The following UBE3B variants were observed in gnomAD, a reference collection of about 807,000 sequenced individuals.
The protein encoded by UBE3B is ubiquitin-protein ligase E3B.
UBE3B carries 80 observed loss-of-function variants against 132.3 expected under a neutral mutation model. That is an observed-to-expected ratio of 0.60 (90% CI 0.50 to 0.73). UBE3B has a LOEUF of 0.73. Ranked by LOEUF, UBE3B falls within the 30% of genes least tolerant of loss-of-function variation. The probability of loss-of-function intolerance (pLI) is 0.00; values close to 1 mark genes in which losing one functional copy is unlikely to be tolerated. For missense variants in UBE3B, 1,196 were observed against 1,362.5 expected (o/e 0.88, Z 1.92); for synonymous variants, 487 against 520.4 (o/e 0.94, Z 0.87).
downstream of UBE3B, among the ~76,000 whole-genome samples, chr12:109,539,115 A>G (rs1174624155): frequency 1.3e-5 from 2 of 152,208 alleles, no homozygotes; most frequent in African/African-American, 2.4e-5. Context: ...GCACACCTGT[A>G]GTCCCAGCTA....
intron 15 of UBE3B, chr12:109,509,005 A>T (rs1274030590): frequency 6.5e-6 from 1 of 152,894 alleles, no homozygotes; most frequent in Non-Finnish European, 1.5e-5. Context: ...AAAGTGTCAC[A>T]GTCAGATCCT....
intron 14 of UBE3B, 131 bp from the exon 15 acceptor site, chr12:109,507,433 C>G: frequency 1.0e-6 from 1 of 992,844 alleles, no homozygotes; most frequent in East Asian, 2.5e-5. Context: ...TCTCCATAAT[C>G]CCACCTTCTT....
Position 109,511,297 on chromosome 12 carries a change from C to A in UBE3B, c.1950C>A (p.His650Gln). Residue 650 changes from histidine to glutamine, a missense_variant, in exon 18 of 28, where the codon CAC becomes CAA. By Grantham distance (24) the His-to-Gln change is conservative. Transcript: ENST00000342494. ...AGTACATCCCACATGTCATCCCTCA[C>A]AAAAACGTGAGTTGCACTCAGAGCT... ...ILQYIPHVIPHKNRVLLFRTM... is the reference protein window; with the variant it reads ...ILQYIPHVIPQKNRVLLFRTM... The A allele has an allele frequency of 6.2e-7, 1 of 1,613,970 alleles. No individual in the cohort carries two copies. Among genetic ancestry groups the A allele is most frequent in the African/African-American group, 1.3e-5 (1 of 75,052 alleles).
chr12:109,526,147 T>TG (rs1160665246), intron 23 of UBE3B, among the ~76,000 whole-genome samples: 1 of 152,198 alleles, frequency 6.6e-6, no homozygotes, highest in Non-Finnish European at 1.5e-5. Flanking sequence ...GAACAAGGAT[T>TG]GGGTGAGAAA....
Position 109,534,790 on chromosome 12 carries a change from C to T in UBE3B, c.*8C>T. 1 of 1,496,870 alleles carries T rather than the reference C, an allele frequency of 6.7e-7. No homozygotes were observed. The highest frequency in any genetic ancestry group is 8.9e-7 in the Non-Finnish European group (1 of 1,121,186). 92.7% of individuals were successfully genotyped at this position (1,496,870 alleles called of 1,614,324 possible). On this transcript the variant is annotated 3_prime_UTR_variant, in exon 28 of 28. Coordinates refer to ENST00000342494, the MANE Select transcript of UBE3B (RefSeq NM_130466.4). The surrounding 1 kb of genome is among the most constrained non-coding windows in gnomAD (Gnocchi z 5.2). ...GGCTTTGAACTCTCCTAGCTCCTGT[C>T]CCAGCCCTGCCTCCAGGGCTCCTGG... is the stretch of plus-strand genomic sequence containing the variant.
chr12:109,490,656 T>G, intron 8 of UBE3B: 2 of 1,510,030 alleles, frequency 1.3e-6, no homozygotes, highest in Non-Finnish European at 1.8e-6. Context: ...GTCTTTAAAT[T>G]TTAAGTCTGG....
Position 109,533,492 on chromosome 12 carries a change from G to A in UBE3B, c.2949G>A (p.Pro983=), listed in dbSNP as rs763894625. Residue 983 remains proline (P), a synonymous_variant, in exon 27 of 28, where the codon CCG becomes CCA. Coordinates refer to ENST00000342494, the MANE Select transcript of UBE3B (RefSeq NM_130466.4). The stretch of plus-strand genomic sequence containing the variant: ...TCGTGACCAGCTGCTCCAGACCCCC[G>A]CTCCTGGGATTCGCCTACCTCAAGC... ...LKFVTSCSRP[P]LLGFAYLKPP... 8.3e-5 allele frequency: 134 copies of A among 1,613,936 alleles called. No individual in the cohort carries two copies. Among genetic ancestry groups the A allele is most frequent in the East Asian group, 4.0e-4 (18 of 44,870 alleles).
chr12:109,486,054 G>T lies in UBE3B; in HGVS notation c.325G>T (p.Ala109Ser). ...LCRSILSSMD[A>S]ENEPKVWYVS... ...TCGCAGCATCCTGAGCAGCATGGAT[G>T]CTGAGAATGAGCCTAAGGTAAGTGG... The change falls in exon 5 of 28, where the codon GCT becomes TCT. Residue 109 changes from alanine (A) to serine (S), a missense_variant. By Grantham distance (99) the Ala-to-Ser change is moderately conservative (BLOSUM62 1). Coordinates refer to ENST00000342494, the MANE Select transcript of UBE3B (RefSeq NM_130466.4). The T allele has an allele frequency of 1.3e-6, 2 of 1,556,420 alleles. No homozygotes were observed. The highest frequency in any genetic ancestry group is 1.7e-6 in the Non-Finnish European group (2 of 1,149,404).
At chr12:109,481,127 A>G (rs1169252283) in intron 1 of UBE3B, among the ~76,000 whole-genome samples, 1 of 151,812 alleles carries the variant, frequency 6.6e-6, no homozygotes. Context: ...AAAAATGTCA[A>G]ACATGGCCGG....
intron 21 of UBE3B, among the ~76,000 whole-genome samples, chr12:109,523,397 C>T (rs550414338): frequency 5.5e-4 from 84 of 152,244 alleles, no homozygotes; most frequent in Non-Finnish European, 4.6e-4. Flanking sequence ...GCAAGGCTTA[C>T]GGGCCCTCCC....
rs1444418973 is a variant in UBE3B, at chr12:109,498,365, T to C, written c.940+12T>C. 1.2e-6 allele frequency: 2 copies of C among 1,612,058 alleles called. No individual in the cohort carries two copies. Among genetic ancestry groups the C allele is most frequent in the Admixed American group, 1.7e-5 (1 of 59,944 alleles). On this transcript the variant is annotated intron_variant, in intron 11 of 27. Coordinates refer to ENST00000342494, the MANE Select transcript of UBE3B (RefSeq NM_130466.4). The stretch of plus-strand genomic sequence containing the variant: ...GCTTTGTCTAATGGGTAAGTATCCG[T>C]GGCTGGAACTTGATTGTGTCCTGGC...
At chr12:109,483,213 GGGTGGGACTGA>G (rs1875782579) in intron 2 of UBE3B, among the ~76,000 whole-genome samples, 1 of 152,204 alleles carries the variant, frequency 6.6e-6, no homozygotes, top group African/African-American at 2.4e-5. Context: ...AGAGCTTTAT[GGGTGGGACTGA>G]TTCATTCTTT....
At chr12:109,526,037 A>G (rs1391857144) in intron 23 of UBE3B, among the ~76,000 whole-genome samples, 1 of 152,162 alleles carries the variant, frequency 6.6e-6, no homozygotes, top group African/African-American at 2.4e-5. Flanking sequence ...ACAGTATTCC[A>G]GGGTATGGAT....
intron 22 of UBE3B, 48 bp from the exon 23 acceptor site, chr12:109,524,390 A>C: frequency 1.2e-6 from 2 of 1,609,362 alleles, no homozygotes; most frequent in South Asian, 2.2e-5. Flanking sequence ...CCTCTTAAGC[A>C]CATAGTGCTC....
At chr12:109,539,318 G>A (rs1468801249), downstream of UBE3B, among the ~76,000 whole-genome samples, 1 of 152,192 alleles carries the variant, frequency 6.6e-6, no homozygotes, top group African/African-American at 2.4e-5. Context: ...TGGAGCGTGG[G>A]GTCAGAATGG....
intron 15 of UBE3B, 68 bp downstream of exon 15, chr12:109,507,803 A>G: frequency 6.5e-7 from 1 of 1,528,470 alleles, no homozygotes; most frequent in Non-Finnish European, 8.9e-7. Flanking sequence ...CAGTGTCAGT[A>G]AGGAAGTAAT....
Position 109,526,378 on chromosome 12 carries a change from T to G in UBE3B, c.2589T>G (p.Ile863Met), listed in dbSNP as rs771300927. 2 of 1,614,156 alleles carry G rather than the reference T, an allele frequency of 1.2e-6. No homozygotes were observed. The highest frequency in any genetic ancestry group is 1.7e-5 in the Admixed American group (1 of 60,006). ...CCCAGCTTGTTTGCCATGAACTGAT[T>G]CCTGGAGGGAAGACCATTCCTGTTA... is the stretch of plus-strand genomic sequence containing the variant. ...VMGQLVCHELIPGGKTIPVTN... is the reference protein window; with the variant it reads ...VMGQLVCHELMPGGKTIPVTN... The change falls in exon 24 of 28, where the codon ATT (isoleucine) becomes ATG (methionine). Residue 863 changes from isoleucine (I) to methionine (M), a missense_variant. Coordinates refer to ENST00000342494, the MANE Select transcript of UBE3B (RefSeq NM_130466.4).
intron 10 of UBE3B, 104 bp downstream of exon 10, chr12:109,498,027 C>T (rs1323500298): frequency 5.8e-6 from 8 of 1,379,340 alleles, no homozygotes; most frequent in Non-Finnish European, 8.1e-6. Flanking sequence ...CCACACCTCC[C>T]TTTAATTGTT....
the UBE3B span, among the ~76,000 whole-genome samples, chr12:109,546,287 C>G: frequency 6.6e-6 from 1 of 152,202 alleles, no homozygotes; most frequent in African/African-American, 2.4e-5. Flanking sequence ...AGCGAGTGTT[C>G]AAACTCAAAA....
Sources: allele counts gnomAD v4.1 joint callset (sites outside exome capture counted in the v4.1 genomes callset), GRCh38; gene constraint gnomAD v4.1.1; non-coding constraint Gnocchi (gnomAD v3.1); transcripts MANE v1.5; gene names NCBI Gene and HGNC (gene_info 2026-07-23, HGNC 2026-07-21).